The following PRKD2 variants were observed in gnomAD, a reference collection of about 807,000 sequenced individuals.
The protein encoded by PRKD2 is protein kinase D2, also known as serine/threonine-protein kinase D2.
In PRKD2, 22 loss-of-function variants were observed where a neutral mutation model predicts 86.0. That is an observed-to-expected ratio of 0.26 (90% confidence interval 0.18 to 0.37). The LOEUF (loss-of-function observed/expected upper bound fraction) is 0.37. Ranked by LOEUF, PRKD2 falls within the 10% of genes least tolerant of loss-of-function variation. The probability of loss-of-function intolerance (pLI) is 1.00; values close to 1 mark genes in which losing one functional copy is unlikely to be tolerated. For missense variants in PRKD2, 818 were observed against 1,199.2 expected (o/e 0.68, Z 4.70); for synonymous variants, 509 against 510.9 (o/e 1.00, Z 0.05).
At chr19:46,697,042 G>T in intron 9 of PRKD2, 115 bp downstream of exon 9, 1 of 866,362 alleles carries the variant, frequency 1.2e-6, no homozygotes. Context: ...GGCTGGGGGT[G>T]GGCAGAGGGT....
chr19:46,709,834 T>A (rs573344950), intron 3 of PRKD2, among the ~76,000 whole-genome samples: 1 of 152,344 alleles, frequency 6.6e-6, no homozygotes, highest in African/African-American at 2.4e-5. Flanking sequence ...CTTCAGCTTG[T>A]GCCTGAGTTC....
At chr19:46,705,390 C>T (rs1274639160) in intron 3 of PRKD2, among the ~76,000 whole-genome samples, 3 of 152,000 alleles carry the variant, frequency 2.0e-5, no homozygotes, top group Admixed American at 6.6e-5. Flanking sequence ...CTCACCCCCA[C>T]CCCTAAGGTC....
Position 46,701,077 on chromosome 19 carries a change from G to T in PRKD2, c.925C>A (p.Arg309Ser), listed in dbSNP as rs369442988. The change falls in exon 6 of 18, where the codon CGC (arginine) becomes AGC (serine). Residue 309 changes from arginine to serine, a missense_variant. Around this residue, in one of 5 missense-constraint regions of PRKD2, gnomAD observed 403 missense variants for 518.6 expected, o/e 0.78. Coordinates refer to ENST00000291281, the MANE Select transcript of PRKD2 (RefSeq NM_016457.5). ...TCCCCCAGGCAGTCATTAGGGACGC[G>T]GGTGGCGCAGCGTTTGTGACAGTTA... ...KFNCHKRCAT[R>S]VPNDCLGEAL... 1 of 1,614,208 alleles carries T rather than the reference G, an allele frequency of 6.2e-7. No homozygotes were observed. The highest frequency in any genetic ancestry group is 1.1e-5 in the South Asian group (1 of 91,084).
chr19:46,709,036 G>A (rs1432697975), intron 3 of PRKD2, among the ~76,000 whole-genome samples: 1 of 148,878 alleles, frequency 6.7e-6, no homozygotes, highest in African/African-American at 2.5e-5. Flanking sequence ...GAGTGCAGTG[G>A]CACGATCTCG....
rs1422057949 is a variant in PRKD2 at position 46,710,991 on chromosome 19, C to CCGTGAGGG, written c.419_426dup (p.Val143ProfsTer23). ...AAGGCAGGCGCCCGATAGGAGTGCA[C>CCGTGAGGG]CGTGAGGGCGTGCGGGCGGATCTGG... On this transcript the variant is annotated frameshift_variant, in exon 3 of 18. Coordinates refer to ENST00000291281, the MANE Select transcript of PRKD2 (RefSeq NM_016457.5). LOFTEE classifies it high-confidence loss of function. The CCGTGAGGG allele has an allele frequency of 3.2e-6, 5 of 1,579,194 alleles. No individual in the cohort carries two copies. In the Admixed American group the frequency reaches 7.3e-5, roughly 23 times the overall value.
chr19:46,713,561 G>T (rs1259906545), intron 2 of PRKD2, among the ~76,000 whole-genome samples: 1 of 151,856 alleles, frequency 6.6e-6, no homozygotes, highest in Non-Finnish European at 1.5e-5. Context: ...AGTCCCTAAA[G>T]AGCGCCTTCA....
At position 46,674,335 on chromosome 19, in the gene PRKD2, G is replaced by T; in HGVS notation, c.*188C>A. 1.6e-6 allele frequency: 1 copy of T among 618,422 alleles called. No homozygotes were observed. Among genetic ancestry groups the T allele is most frequent in the Admixed American group, 3.1e-5 (1 of 32,510 alleles). The allele number at this position is 618,422 out of a possible 1,614,324, so 38.3% of individuals were successfully genotyped here. On this transcript the variant is annotated 3_prime_UTR_variant, in exon 18 of 18. Coordinates refer to ENST00000291281, the MANE Select transcript of PRKD2 (RefSeq NM_016457.5). ...GCCGTGTGCTGAGATCAAGGCCATG[G>T]GGCCAGAGATGAGTCCGTTTTAATT...
At chr19:46,681,583 T>TGCCCCCCCCCC in intron 15 of PRKD2, 67 bp downstream of exon 15, 3 of 671,506 alleles carry the variant, frequency 4.5e-6, no homozygotes, top group East Asian at 3.6e-5. Flanking sequence ...ATAATCCCCT[T>TGCCCCCCCCCC]CCCCACCCCC....
intron 14 of PRKD2, among the ~76,000 whole-genome samples, chr19:46,688,052 A>AT (rs57509328): frequency 3.8e-4 from 55 of 146,568 alleles, no homozygotes; most frequent in South Asian, 2.0e-3. Flanking sequence ...TAGGTTTTCT[A>AT]TTTTTTTTTT....
Position 46,691,827 on chromosome 19 carries a change from C to A in PRKD2, c.1630-20G>T, listed in dbSNP as rs993409236. 9.9e-6 allele frequency: 16 copies of A among 1,613,760 alleles called. No individual in the cohort carries two copies. The highest frequency in any genetic ancestry group is 1.3e-5 in the African/African-American group (1 of 74,856). On this transcript the variant is annotated intron_variant, in intron 11 of 17. Coordinates refer to ENST00000291281, the MANE Select transcript of PRKD2 (RefSeq NM_016457.5). ...AATGTCCTACAGGGTGAAGACAGGG[C>A]AGGTCAGGGGTGCAAATGGAAATGG...
chr19:46,681,697 A>C lies in PRKD2; in HGVS notation c.2023T>G (p.Leu675Val), dbSNP rs2053310038. 2 of 1,613,180 alleles carry C rather than the reference A, an allele frequency of 1.2e-6. No homozygotes were observed. Among genetic ancestry groups the C allele is most frequent in the African/African-American group, 2.7e-5 (2 of 74,704 alleles). Reference sequence around the variant, plus strand: ...GCCAGCAACACGTTTTCTGGTTTCAAGTCACAGTGGACAATGTTCTTGAAG... The same window carrying C: ...GCCAGCAACACGTTTTCTGGTTTCACGTCACAGTGGACAATGTTCTTGAAG... ...LHFKNIVHCD[L>V]KPENVLLASA... The change falls in exon 15 of 18, where the codon TTG becomes GTG. Residue 675 changes from leucine (L) to valine (V), a missense_variant. Physicochemically the swap from Leu to Val is conservative, Grantham distance 32 (BLOSUM62 1). This residue lies in a region of PRKD2 where 154 missense variants were observed against 359.6 expected (regional missense o/e 0.43). Coordinates refer to ENST00000291281, the MANE Select transcript of PRKD2 (RefSeq NM_016457.5).
chr19:46,695,311 C>A (rs920293591), intron 9 of PRKD2, among the ~76,000 whole-genome samples: 2 of 152,208 alleles, frequency 1.3e-5, no homozygotes, highest in Admixed American at 6.5e-5. Context: ...ATGGTGAAAG[C>A]CCATCTCTAC....
At position 46,700,033 on chromosome 19, in the gene PRKD2, C is replaced by G. The variant is rs577877186; in HGVS notation, c.1121+766G>C. On this transcript the variant is annotated intron_variant, in intron 7 of 17. Transcript: ENST00000291281. ...GGTGGATTACCTGAGGTTGGGAGTTCAAGACCAGCCTGACCAACATGGCAA... is the reference window on the plus strand; with the variant it reads ...GGTGGATTACCTGAGGTTGGGAGTTGAAGACCAGCCTGACCAACATGGCAA... Among the ~76,000 whole-genome samples, 26 of 151,504 alleles carry G rather than the reference C, an allele frequency of 1.7e-4. 2 individuals are homozygous for G. In the South Asian group the frequency reaches 5.2e-3, roughly 30 times the overall value.
intron 1 of PRKD2, chr19:46,714,440 G>A (rs1293346060): frequency 7.1e-6 from 2 of 282,364 alleles, no homozygotes; most frequent in Non-Finnish European, 1.1e-5. Context: ...GGGGTGGGGC[G>A]AGCTGGAAGG....
intron 2 of PRKD2, among the ~76,000 whole-genome samples, chr19:46,712,386 C>T (rs556159799): frequency 6.6e-6 from 1 of 151,782 alleles, no homozygotes; most frequent in African/African-American, 2.4e-5. Flanking sequence ...ACTAAAAATA[C>T]AAAAATTAGC....
chr19:46,704,449 A>G (rs201581731), intron 4 of PRKD2, 46 bp downstream of exon 4: 2 of 1,613,906 alleles, frequency 1.2e-6, no homozygotes, highest in East Asian at 2.2e-5. Flanking sequence ...GCCTGGGCCA[A>G]GTCACCCCCC....
intron 9 of PRKD2, among the ~76,000 whole-genome samples, chr19:46,694,778 C>T (rs940568071): frequency 2.0e-5 from 3 of 151,802 alleles, no homozygotes; most frequent in African/African-American, 7.3e-5. Flanking sequence ...ATAGTAAAAG[C>T]TTGATAAACA....
chr19:46,685,048 C>T (rs2053375621), intron 14 of PRKD2, among the ~76,000 whole-genome samples: 1 of 151,622 alleles, frequency 6.6e-6, no homozygotes. Context: ...ATCACGAGGT[C>T]AGAAGTTCAA....
chr19:46,690,816 G>C (rs1273036691), intron 12 of PRKD2, 110 bp from the exon 13 acceptor site: 3 of 947,582 alleles, frequency 3.2e-6, no homozygotes, highest in Non-Finnish European at 4.9e-6. Context: ...GACAGCCAGA[G>C]TTGGGCAGAG....
Sources: allele counts gnomAD v4.1 joint callset (sites outside exome capture counted in the v4.1 genomes callset), GRCh38; gene constraint gnomAD v4.1.1; regional missense constraint gnomAD v4.1.1; transcripts MANE v1.5; gene names NCBI Gene and HGNC (gene_info 2026-07-23, HGNC 2026-07-21).